Variants in EXOC6B observed in about 807,000 individuals in gnomAD.
EXOC6B encodes SEC15 homolog B.
EXOC6B carries 54 observed loss-of-function variants against 113.5 expected under a neutral mutation model. That is an observed-to-expected ratio of 0.48 (90% confidence interval 0.38 to 0.60). EXOC6B has a LOEUF of 0.60. EXOC6B is among the 20% of genes least tolerant of loss of function. EXOC6B has a pLI of 0.00. For synonymous variants in EXOC6B, 357 were observed against 339.0 expected (o/e 1.05, Z -0.58); for missense variants, 797 against 977.5 (o/e 0.82, Z 2.46).
At chr2:72,497,885 T>C (rs964145849) in intron 13 of EXOC6B, among the ~76,000 whole-genome samples, 2 of 152,204 alleles carry the variant, frequency 1.3e-5, no homozygotes, top group African/African-American at 2.4e-5. Context: ...CTGTGAGTGA[T>C]AGATGTGACA....
chr2:72,724,400 T>C (rs1680183628), intron 5 of EXOC6B, among the ~76,000 whole-genome samples: 1 of 152,154 alleles, frequency 6.6e-6, no homozygotes, highest in Admixed American at 6.5e-5. Flanking sequence ...AGGTGGGCCT[T>C]TAAGCAGAGC....
At chr2:72,287,701 A>G (rs1304608670) in intron 20 of EXOC6B, among the ~76,000 whole-genome samples, 1 of 152,102 alleles carries the variant, frequency 6.6e-6, no homozygotes, top group Non-Finnish European at 1.5e-5. Context: ...AATTTAGATG[A>G]AACAGGAAAA....
At chr2:72,204,949 C>A (rs1559013581) in intron 20 of EXOC6B, among the ~76,000 whole-genome samples, 1 of 152,154 alleles carries the variant, frequency 6.6e-6, no homozygotes, top group East Asian at 1.9e-4. Context: ...GCTCTAGAAG[C>A]CTGCAAAGCC....
At chr2:72,405,377 A>G (rs1035576301) in intron 18 of EXOC6B, among the ~76,000 whole-genome samples, 1 of 152,200 alleles carries the variant, frequency 6.6e-6, no homozygotes, top group African/African-American at 2.4e-5. Flanking sequence ...CCTGGAGAGG[A>G]GCAACTCCAA....
intron 6 of EXOC6B, among the ~76,000 whole-genome samples, chr2:72,689,061 C>G (rs1349881892): frequency 1.3e-5 from 2 of 152,156 alleles, no homozygotes; most frequent in Non-Finnish European, 2.9e-5. Flanking sequence ...CCATTTTAAA[C>G]TTCCAAAACA....
intron 1 of EXOC6B, among the ~76,000 whole-genome samples, chr2:72,776,488 A>C (rs916097974): frequency 6.6e-6 from 1 of 151,998 alleles, no homozygotes; most frequent in African/African-American, 2.4e-5. Flanking sequence ...ATGGGGGCAC[A>C]CACCTGTAGT....
rs34288011 is a variant in EXOC6B, at chr2:72,499,533, A to ATT, written c.1239+366_1239+367dup. ...GGCGTGAGGTACTGCACCCAGTCAG[A>ATT]TTTTTTTTTTTTTTTTTGAGATGGG... On this transcript the variant is annotated intron_variant, in intron 12 of 21. Coordinates refer to ENST00000272427, the MANE Select transcript of EXOC6B (RefSeq NM_015189.3). 5.8e-3 allele frequency among the ~76,000 whole-genome samples: 799 copies of ATT among 138,360 alleles called. 7 individuals are homozygous for ATT. The highest frequency in any genetic ancestry group is 0.02 in the African/African-American group (734 of 37,138). 90.8% of individuals were successfully genotyped at this position (138,360 alleles called of 152,430 possible).
intron 16 of EXOC6B, among the ~76,000 whole-genome samples, chr2:72,483,522 T>C (rs1396217444): frequency 6.6e-6 from 1 of 152,220 alleles, no homozygotes; most frequent in Non-Finnish European, 1.5e-5. Context: ...CATGACTTTT[T>C]AAAGATCTGT....
intron 18 of EXOC6B, among the ~76,000 whole-genome samples, chr2:72,395,877 G>T (rs1037714900): frequency 6.6e-6 from 1 of 151,942 alleles, no homozygotes; most frequent in Non-Finnish European, 1.5e-5. Context: ...GCACATAATT[G>T]GGGCTCAATG....
intron 18 of EXOC6B, among the ~76,000 whole-genome samples, chr2:72,456,691 C>T (rs779874624): frequency 6.6e-6 from 1 of 152,072 alleles, no homozygotes; most frequent in Non-Finnish European, 1.5e-5. Context: ...TAATACTTAT[C>T]TGATGGGGGT....
At chr2:72,550,993 A>C (rs1231014670) in intron 8 of EXOC6B, among the ~76,000 whole-genome samples, 1 of 151,084 alleles carries the variant, frequency 6.6e-6, no homozygotes, top group Non-Finnish European at 1.5e-5. Flanking sequence ...ATCTTGGATA[A>C]CTGCCATTTA....
intron 18 of EXOC6B, among the ~76,000 whole-genome samples, chr2:72,412,200 A>C (rs1694229704): frequency 6.6e-6 from 1 of 152,232 alleles, no homozygotes; most frequent in Admixed American, 6.5e-5. Context: ...GTTATAACCA[A>C]AAAATAAATA....
intron 1 of EXOC6B, among the ~76,000 whole-genome samples, chr2:72,744,616 G>A (rs1264409705): frequency 1.3e-5 from 2 of 152,122 alleles, no homozygotes; most frequent in Non-Finnish European, 2.9e-5. Flanking sequence ...AATTGCATAA[G>A]CTGATATATT....
chr2:72,411,107 G>A (rs1228122350), intron 18 of EXOC6B, among the ~76,000 whole-genome samples: 1 of 152,148 alleles, frequency 6.6e-6, no homozygotes. Flanking sequence ...TACTTAGGAG[G>A]TGGAGGTGTG....
intron 17 of EXOC6B, 138 bp downstream of exon 17, chr2:72,480,478 G>T: frequency 1.2e-6 from 1 of 820,784 alleles, no homozygotes; most frequent in East Asian, 3.1e-5. Context: ...AAATAGAGAA[G>T]GGAAACCAAA....
At chr2:72,368,661 C>T (rs567622393) in intron 19 of EXOC6B, among the ~76,000 whole-genome samples, 6 of 152,326 alleles carry the variant, frequency 3.9e-5, no homozygotes, top group Non-Finnish European at 8.8e-5. Context: ...AAAAGCTTAT[C>T]TACCACAATC....
At chr2:72,727,215 G>A (rs1284820465) in intron 5 of EXOC6B, among the ~76,000 whole-genome samples, 1 of 152,100 alleles carries the variant, frequency 6.6e-6, no homozygotes, top group African/African-American at 2.4e-5. Flanking sequence ...AAGGAACAAA[G>A]AACAGGTAGG....
chr2:72,542,939 A>G (rs1702688902), intron 8 of EXOC6B, among the ~76,000 whole-genome samples: 1 of 152,178 alleles, frequency 6.6e-6, no homozygotes, highest in Non-Finnish European at 1.5e-5. Flanking sequence ...AGGGAAAGGA[A>G]GCAAAATGTG....
chr2:72,486,130 G>A (rs1310586739), intron 16 of EXOC6B, among the ~76,000 whole-genome samples: 2 of 152,182 alleles, frequency 1.3e-5, no homozygotes, highest in African/African-American at 4.8e-5. Context: ...AGCACTTTGG[G>A]AGGCTGAGGC....
Sources: allele counts gnomAD v4.1 joint callset (sites outside exome capture counted in the v4.1 genomes callset), GRCh38; gene constraint gnomAD v4.1.1; transcripts MANE v1.5; gene names NCBI Gene and HGNC (gene_info 2026-07-23, HGNC 2026-07-21).